Variants in AVIL observed in about 807,000 individuals in gnomAD.
The protein encoded by AVIL is advillin.
In AVIL, 78 loss-of-function variants were observed where a neutral mutation model predicts 109.9. The ratio of observed to expected loss-of-function variants is 0.71; its 90% CI spans 0.59 to 0.86. The LOEUF is 0.86. Ranked by LOEUF, AVIL falls within the 40% of genes least tolerant of loss-of-function variation. The pLI is 0.00. For synonymous variants in AVIL, 367 were observed against 379.1 expected (o/e 0.97, Z 0.37); for missense variants, 892 against 1,016.5 (o/e 0.88, Z 1.67).
rs756862973 is a variant in AVIL, at chr12:57,809,610, A to G, written c.926T>C (p.Met309Thr). 80 of 1,614,104 alleles carry G rather than the reference A, an allele frequency of 5.0e-5. No individual in the cohort carries two copies. Among genetic ancestry groups the G allele is most frequent in the Middle Eastern group, 1.6e-4 (1 of 6,084 alleles). ...GATKAEKQAA[M>T]SKALGFIKMK... ...TGTAGCTCCTACCAGCGCTTTAGACATGGCTGCCTGTTTTTCAGCCTTTGT... is the reference window on the plus strand; with the variant it reads ...TGTAGCTCCTACCAGCGCTTTAGACGTGGCTGCCTGTTTTTCAGCCTTTGT... Residue 309 changes from methionine (M) to threonine (T), a missense_variant, in exon 9 of 20, where the codon ATG becomes ACG. Transcript: ENST00000549994.
intron 6 of AVIL, 26 bp downstream of exon 6, chr12:57,810,790 A>G: frequency 6.2e-7 from 1 of 1,603,900 alleles, no homozygotes; most frequent in Non-Finnish European, 8.5e-7. Flanking sequence ...GGAACTTGAG[A>G]AAGTGCTAAG....
At position 57,806,494 on chromosome 12, in the gene AVIL, T is replaced by G. The variant is rs762043345; in HGVS notation, c.1537A>C (p.Arg513=). The G allele has an allele frequency of 3.1e-6, 5 of 1,614,040 alleles. No homozygotes were observed. The highest frequency in any genetic ancestry group is 1.7e-5 in the Admixed American group (1 of 59,994). Residue 513 remains arginine (R), a synonymous_variant, in exon 14 of 20, where the codon AGA becomes CGA. Coordinates refer to ENST00000549994, the MANE Select transcript of AVIL (RefSeq NM_006576.4). ...KGNAEPDPPV[R]LFQIHGNDKS... ...TCATTTCCATGAATTTGGAAGAGTC[T>G]TACTGGAGGGTCAGGCTCGGCATTT...
Position 57,803,546 on chromosome 12 carries a change from T to A in AVIL, c.1795A>T (p.Thr599Ser). The change falls in exon 15 of 20, where the codon ACT (threonine) becomes TCT (serine). Residue 599 changes from threonine (T) to serine (S), a missense_variant. Physicochemically the swap from Thr to Ser is moderately conservative, Grantham distance 58. Transcript: ENST00000549994. ...TACCTTTTATCATTGGCATAGGGAG[T>A]TTTCCCTCCCAGTAGGTCCCAGAAC... Reference protein sequence around the residue: ...AEFWDLLGGKTPYANDKRLQQ... With the variant: ...AEFWDLLGGKSPYANDKRLQQ... The A allele has an allele frequency of 6.2e-7, 1 of 1,613,012 alleles. No individual in the cohort carries two copies. The highest frequency in any genetic ancestry group is 8.5e-7 in the Non-Finnish European group (1 of 1,179,778).
chr12:57,806,675 CAG>C, intron 13 of AVIL, 136 bp from the exon 14 acceptor site: 1 of 928,116 alleles, frequency 1.1e-6, no homozygotes, highest in East Asian at 2.5e-5. Flanking sequence ...TGGAAAGGGT[CAG>C]GGTAAGCTGG....
intron 7 of AVIL, 109 bp from the exon 8 acceptor site, chr12:57,809,999 G>A: frequency 9.3e-7 from 1 of 1,079,350 alleles, no homozygotes; most frequent in Non-Finnish European, 1.4e-6. Flanking sequence ...GGTAGAGTGT[G>A]ACTGCCTAAG....
At chr12:57,801,759 G>A (rs1955853420) in intron 17 of AVIL, among the ~76,000 whole-genome samples, 1 of 151,772 alleles carries the variant, frequency 6.6e-6, no homozygotes, top group South Asian at 2.1e-4. Flanking sequence ...AAAAAAAAAA[G>A]TTGATTAGGA....
chr12:57,805,800 G>A (rs992340166), intron 14 of AVIL: 18 of 147,750 alleles, frequency 1.2e-4, no homozygotes, highest in African/African-American at 3.6e-4. Flanking sequence ...CTCCCAAAGT[G>A]CTGGGATTAC....
Position 57,803,246 on chromosome 12 carries a change from C to G in AVIL, c.1962+1G>C, listed in dbSNP as rs754916314. The G allele has an allele frequency of 1.2e-6, 2 of 1,613,898 alleles. No individual in the cohort carries two copies. The highest frequency in any genetic ancestry group is 1.3e-5 in the African/African-American group (1 of 74,894). ...TTCTGACTTCTGCAGCTGTGTCTTA[C>G]CTGGTCCCAGGTATCTAGGAGCATC... On this transcript the variant is annotated splice_donor_variant, in intron 16 of 19. Transcript: ENST00000549994. LOFTEE classifies it high-confidence loss of function.
At position 57,808,606 on chromosome 12, in the gene AVIL, CT is replaced by C. The variant is rs1425035307; in HGVS notation, c.940-59del. 3.2e-6 allele frequency: 5 copies of C among 1,584,514 alleles called. No homozygotes were observed. The African/African-American group carries it at 5.4e-5, about 17-fold the overall frequency. ...GTGGTGGAATACACTGAGTTCTTTGCTTGTCTGGTAATTCACCTCTATGAAG... is the reference window on the plus strand; with the variant it reads ...GTGGTGGAATACACTGAGTTCTTTGCTGTCTGGTAATTCACCTCTATGAAG... On this transcript the variant is annotated intron_variant, in intron 9 of 19. Transcript: ENST00000549994.
Position 57,806,457 on chromosome 12 carries a change from G to A in AVIL, c.1574C>T (p.Thr525Ile). The change falls in exon 14 of 20, where the codon ACC (threonine) becomes ATC (isoleucine). Residue 525 changes from threonine (T) to isoleucine (I), a missense_variant. Thr to Ile is a moderately conservative substitution (Grantham distance 89). Transcript: ENST00000549994. ...AAAGGCTGGAACTTCCACTGCTTTG[G>A]TGTTAGATTTGTCATTTCCATGAAT... The part of the protein sequence containing the change: ...FQIHGNDKSN[T>I]KAVEVPAFAS... 2 of 1,614,132 alleles carry A rather than the reference G, an allele frequency of 1.2e-6. No homozygotes were observed. The highest frequency in any genetic ancestry group is 1.3e-5 in the African/African-American group (1 of 75,028).
rs1956014117 is a variant in AVIL, at chr12:57,809,992, A to G, written c.762-102T>C. The G allele has an allele frequency of 3.3e-6, 4 of 1,207,088 alleles. No individual in the cohort carries two copies. The South Asian group carries it at 3.8e-5, about 12-fold the overall frequency. 74.8% of individuals were successfully genotyped at this position (1,207,088 alleles called of 1,614,324 possible). A position where few individuals can be genotyped will look rare whatever the true frequency, so the allele number is the denominator to read the frequency against. On this transcript the variant is annotated intron_variant, in intron 7 of 19. Coordinates refer to ENST00000549994, the MANE Select transcript of AVIL (RefSeq NM_006576.4). Reference sequence around the variant, plus strand: ...TGGTTTTAGTTTGGAGTTTCTAGGTAGAGTGTGACTGCCTAAGACAGCCAT... The same window carrying G: ...TGGTTTTAGTTTGGAGTTTCTAGGTGGAGTGTGACTGCCTAAGACAGCCAT...
intron 16 of AVIL, chr12:57,802,789 G>A: frequency 1.7e-6 from 1 of 577,336 alleles, no homozygotes; most frequent in Non-Finnish European, 3.1e-6. Context: ...TGAGTCACCA[G>A]GGCTGACCAA....
chr12:57,810,842 C>G lies in AVIL; in HGVS notation c.532G>C (p.Glu178Gln). ...GKVIIQWNGP[E>Q]SNSGERLKAM... Reference sequence around the variant, plus strand: ...TTCAGGCGCTCCCCACTGTTGCTCTCTGGGCCATTCCATTGGATGATGACT... The same window carrying G: ...TTCAGGCGCTCCCCACTGTTGCTCTGTGGGCCATTCCATTGGATGATGACT... Residue 178 changes from glutamate to glutamine, a missense_variant, in exon 6 of 20, where the codon GAG becomes CAG. Physicochemically the swap from Glu to Gln is conservative, Grantham distance 29 (BLOSUM62 2). Coordinates refer to ENST00000549994, the MANE Select transcript of AVIL (RefSeq NM_006576.4). 3 of 1,614,200 alleles carry G rather than the reference C, an allele frequency of 1.9e-6. No individual in the cohort carries two copies. The highest frequency in any genetic ancestry group is 2.2e-5 in the East Asian group (1 of 44,882).
intron 11 of AVIL, 58 bp downstream of exon 11, chr12:57,808,136 G>T: frequency 6.4e-7 from 1 of 1,572,002 alleles, no homozygotes; most frequent in Non-Finnish European, 8.8e-7. Context: ...CCTGCCCCCA[G>T]CAGGACAGCC....
intron 3 of AVIL, 57 bp downstream of exon 3, chr12:57,814,095 A>G: frequency 1.3e-6 from 2 of 1,577,682 alleles, no homozygotes; most frequent in Non-Finnish European, 1.7e-6. Context: ...CTCCCAGTAC[A>G]GCCCAAGAAC....
rs565470749 is a variant in AVIL, at chr12:57,810,983, G to A, written c.447+36C>T. 5.8e-5 allele frequency: 94 copies of A among 1,613,498 alleles called. No homozygotes were observed. The South Asian group carries it at 1.0e-3, about 17-fold the overall frequency. ...GAATTCTTAGGTGCCAGGTGGAGAA[G>A]CCCCGGGCCTGGGGCAGAGAGTGTG... is the stretch of plus-strand genomic sequence containing the variant. On this transcript the variant is annotated intron_variant, in intron 5 of 19. Coordinates refer to ENST00000549994, the MANE Select transcript of AVIL (RefSeq NM_006576.4).
chr12:57,808,148 T>C, intron 11 of AVIL, 46 bp downstream of exon 11: 17 of 1,592,124 alleles, frequency 1.1e-5, no homozygotes, highest in Non-Finnish European at 1.4e-5. Context: ...AGGACAGCCA[T>C]GAAGGCCAGT....
At chr12:57,818,507 G>A (rs960982254) in intron 1 of AVIL, 122 bp downstream of exon 1, 1 of 152,118 alleles carries the variant, frequency 6.6e-6, no homozygotes, top group Non-Finnish European at 1.5e-5. Flanking sequence ...CCAGACTCCT[G>A]GTTCATTTTA....
chr12:57,800,051 A>G (rs1469039291), intron 18 of AVIL, 131 bp from the exon 19 acceptor site: 22 of 1,216,114 alleles, frequency 1.8e-5, no homozygotes, highest in East Asian at 4.8e-5. Flanking sequence ...TTTGATAACA[A>G]TGCTCCCCAA....
Sources: gnomAD v4.1 joint callset for allele counts (sites outside exome capture counted in the v4.1 genomes callset) on GRCh38, gnomAD v4.1.1 for gene constraint, MANE v1.5 for transcripts, NCBI Gene and HGNC (gene_info 2026-07-23, HGNC 2026-07-21) for gene names.